The following PRSS16 variants were observed in gnomAD, a reference collection of about 807,000 sequenced individuals.
The protein encoded by PRSS16 is serine protease 16.
Under a neutral mutation model 61.7 loss-of-function variants are expected in PRSS16, and 43 were observed. That is an observed-to-expected ratio of 0.70 (90% CI 0.55 to 0.90). The LOEUF (loss-of-function observed/expected upper bound fraction) is 0.90, where lower values mean the gene tolerates loss of function less well. Among genes scored for constraint, PRSS16 ranks in the 40% least tolerant of loss-of-function variants. The pLI is 0.00. For missense variants in PRSS16, 591 were observed against 659.1 expected (o/e 0.90, Z 1.13); for synonymous variants, 273 against 285.2 (o/e 0.96, Z 0.43).
chr6:27,253,853 A>G (rs1287934302), intron 9 of PRSS16: 1 of 158,634 alleles, frequency 6.3e-6, no homozygotes. Flanking sequence ...TAAGTATTCC[A>G]TAAACCTCTT....
At chr6:27,253,086 GA>G (rs772211733) in intron 9 of PRSS16, 137 bp downstream of exon 9, 305 of 1,170,454 alleles carry the variant, frequency 2.6e-4, no homozygotes, top group Non-Finnish European at 3.7e-4. Flanking sequence ...TGTTGGGCTG[GA>G]GAAGGTGGAA....
intron 4 of PRSS16, among the ~76,000 whole-genome samples, chr6:27,250,119 GTC>G (rs1759844499): frequency 6.6e-6 from 1 of 152,010 alleles, no homozygotes; most frequent in South Asian, 2.1e-4. Context: ...CTCCATCTCT[GTC>G]TCTCTGCATC....
Position 27,254,969 on chromosome 6 carries a change from C to G in PRSS16, c.1331-17C>G. On this transcript the variant is annotated splice_polypyrimidine_tract_variant and intron_variant, in intron 10 of 11. Transcript: ENST00000230582. ...CAGCACCCATCTACCTAGCCCCATC[C>G]TATCCTTTCTTTCCAGGGGACACAG... 6.2e-7 allele frequency: 1 copy of G among 1,612,866 alleles called. No individual in the cohort carries two copies. The highest frequency in any genetic ancestry group is 1.1e-5 in the South Asian group (1 of 91,056).
Position 27,252,292 on chromosome 6 carries a change from C to G in PRSS16, c.1008+252C>G. The G allele has an allele frequency of 2.0e-6, 1 of 510,790 alleles. No individual in the cohort carries two copies. The highest frequency in any genetic ancestry group is 3.3e-6 in the Non-Finnish European group (1 of 298,916). 31.6% of individuals were successfully genotyped at this position (510,790 alleles called of 1,614,324 possible). ...TTATTACCTATTTTGCCTATCCTGT[C>G]CTGTTCTCTTTTGGGGGGCCTGCAG... is the stretch of plus-strand genomic sequence containing the variant. On this transcript the variant is annotated intron_variant, in intron 8 of 11. Coordinates refer to ENST00000230582, the MANE Select transcript of PRSS16 (RefSeq NM_005865.4). This position sits in a 1 kb window ranked among gnomAD's most constrained non-coding sequence, Gnocchi z 4.2.
At chr6:27,254,611 T>G in intron 9 of PRSS16, 82 bp from the exon 10 acceptor site, 1 of 1,348,290 alleles carries the variant, frequency 7.4e-7, no homozygotes, top group Non-Finnish European at 1.0e-6. Flanking sequence ...TGGTCATCAC[T>G]GAGGAAAGCT....
Position 27,249,236 on chromosome 6 carries a change from G to A in PRSS16, c.467+7G>A, listed in dbSNP as rs373932427. ...TCTTGTCCAGCCGCCTTGCGTGAGTGGAGGAAGGGAAAGTGTTTATGGTCA... is the reference window on the plus strand; with the variant it reads ...TCTTGTCCAGCCGCCTTGCGTGAGTAGAGGAAGGGAAAGTGTTTATGGTCA... On this transcript the variant is annotated splice_region_variant and intron_variant, in intron 4 of 11. Coordinates refer to ENST00000230582, the MANE Select transcript of PRSS16 (RefSeq NM_005865.4). 3.1e-6 allele frequency: 5 copies of A among 1,612,216 alleles called. No individual in the cohort carries two copies. In the African/African-American group the frequency reaches 6.7e-5, roughly 22 times the overall value.
chr6:27,251,483 G>C lies in PRSS16; in HGVS notation c.717+219G>C. On this transcript the variant is annotated intron_variant, in intron 7 of 11. Coordinates refer to ENST00000230582, the MANE Select transcript of PRSS16 (RefSeq NM_005865.4). The surrounding 1 kb of genome is among the most constrained non-coding windows in gnomAD (Gnocchi z 5.6). ...CCCCAGAGAGGGCGGGGTTTGGGCA[G>C]GGACAATCCTATCCGGAGGTGAGGC... is the stretch of plus-strand genomic sequence containing the variant. 1 of 745,120 alleles carries C rather than the reference G, an allele frequency of 1.3e-6. No homozygotes were observed. Among genetic ancestry groups the C allele is most frequent in the Non-Finnish European group, 2.1e-6 (1 of 475,066 alleles). The allele number at this position is 745,120 out of a possible 1,614,324, so 46.2% of individuals were successfully genotyped here.
At position 27,248,057 on chromosome 6, in the gene PRSS16, G is replaced by A. The variant is rs371218611; in HGVS notation, c.237+9G>A. On this transcript the variant is annotated intron_variant, in intron 2 of 11. Transcript: ENST00000230582. ...GACGATCCTTCCTACAGGTGAGGCC[G>A]GGAGACGGGGAGTCCACTAACCATC... 26 of 1,610,266 alleles carry A rather than the reference G, an allele frequency of 1.6e-5. No individual in the cohort carries two copies. The highest frequency in any genetic ancestry group is 4.4e-5 in the South Asian group (4 of 90,380).
Position 27,251,344 on chromosome 6 carries a change from G to GTT in PRSS16, c.717+80_717+81insTT. On this transcript the variant is annotated intron_variant, in intron 7 of 11. Coordinates refer to ENST00000230582, the MANE Select transcript of PRSS16 (RefSeq NM_005865.4). This position sits in a 1 kb window ranked among gnomAD's most constrained non-coding sequence, Gnocchi z 5.6. ...GCCAGGGAAGAGGAGGCCAGAGAAG[G>GTT]GCGAAACCTGCAACGTGGCGGGGTC... 1 of 1,482,118 alleles carries GTT rather than the reference G, an allele frequency of 6.7e-7. No individual in the cohort carries two copies. The highest frequency in any genetic ancestry group is 9.0e-7 in the Non-Finnish European group (1 of 1,109,092). 91.8% of individuals were successfully genotyped at this position (1,482,118 alleles called of 1,614,324 possible).
At chr6:27,248,756 C>A in intron 2 of PRSS16, 91 bp from the exon 3 acceptor site, 1 of 805,900 alleles carries the variant, frequency 1.2e-6, no homozygotes, top group African/African-American at 1.7e-5. Context: ...AAGGAAAGAT[C>A]CATTAGGAAG....
Position 27,247,773 on chromosome 6 carries a change from G to T in PRSS16, c.36G>T (p.Leu12=). The T allele has an allele frequency of 6.3e-7, 1 of 1,597,656 alleles. No homozygotes were observed. Among genetic ancestry groups the T allele is most frequent in the South Asian group, 1.1e-5 (1 of 88,992 alleles). Reference sequence around the variant, plus strand: ...GGCTTGCCCAGTGGCTGGGCCCTCTGCTCTTGGTTTCCCTCTGGGGACTCT... The same window carrying T: ...GGCTTGCCCAGTGGCTGGGCCCTCTTCTCTTGGTTTCCCTCTGGGGACTCT... The part of the protein sequence containing the change: ...AVWLAQWLGP[L]LLVSLWGLLA... The change falls in exon 1 of 12, where the codon CTG becomes CTT. Residue 12 remains leucine (L), a synonymous_variant. Transcript: ENST00000230582.
At position 27,251,291 on chromosome 6, in the gene PRSS16, G is replaced by T. The variant is rs1209842782; in HGVS notation, c.717+27G>T. 1 of 1,573,488 alleles carries T rather than the reference G, an allele frequency of 6.4e-7. No individual in the cohort carries two copies. The highest frequency in any genetic ancestry group is 1.8e-5 in the Admixed American group (1 of 54,382). ...TAGGAGGTGGGGCCTAGTCCGAGGG[G>T]GACTGGGAGGGAAAAGAGGCCTCGG... is the stretch of plus-strand genomic sequence containing the variant. On this transcript the variant is annotated intron_variant, in intron 7 of 11. Transcript: ENST00000230582. This position sits in a 1 kb window ranked among gnomAD's most constrained non-coding sequence, Gnocchi z 5.6.
rs773708165 is a variant in PRSS16, at chr6:27,251,893, G to A, written c.861G>A (p.Ala287=). The change falls in exon 8 of 12, where the codon GCG becomes GCA. Residue 287 remains alanine, a synonymous_variant. Coordinates refer to ENST00000230582, the MANE Select transcript of PRSS16 (RefSeq NM_005865.4). This position sits in a 1 kb window ranked among gnomAD's most constrained non-coding sequence, Gnocchi z 5.6. ...RAENQAELLG[A]LQALVGGVVQ... ...AAAACCAGGCGGAGCTGTTGGGGGC[G>A]CTGCAGGCACTGGTGGGAGGTGTAG... 21 of 1,613,312 alleles carry A rather than the reference G, an allele frequency of 1.3e-5. No individual in the cohort carries two copies. The highest frequency in any genetic ancestry group is 1.8e-5 in the Non-Finnish European group (21 of 1,179,812).
intron 4 of PRSS16, among the ~76,000 whole-genome samples, chr6:27,250,258 A>G (rs1188613894): frequency 1.3e-5 from 2 of 152,140 alleles, no homozygotes; most frequent in East Asian, 1.9e-4. Flanking sequence ...GACATATCCA[A>G]ACTTCACTCT....
Position 27,252,075 on chromosome 6 carries a change from C to T in PRSS16, c.1008+35C>T. ...CCCTGGCACAGCTGGGAGGAGTTAGCGGACAAAGATTCCTGCCCCACTTCC... is the reference window on the plus strand; with the variant it reads ...CCCTGGCACAGCTGGGAGGAGTTAGTGGACAAAGATTCCTGCCCCACTTCC... On this transcript the variant is annotated intron_variant, in intron 8 of 11. Coordinates refer to ENST00000230582, the MANE Select transcript of PRSS16 (RefSeq NM_005865.4). The surrounding 1 kb of genome is among the most constrained non-coding windows in gnomAD (Gnocchi z 4.2). 2.1e-6 allele frequency: 3 copies of T among 1,452,920 alleles called. No individual in the cohort carries two copies. The highest frequency in any genetic ancestry group is 2.7e-6 in the Non-Finnish European group (3 of 1,107,832). 90.0% of individuals were successfully genotyped at this position (1,452,920 alleles called of 1,614,324 possible). A position where few individuals can be genotyped will look rare whatever the true frequency, so the allele number is the denominator to read the frequency against.
Position 27,256,478 on chromosome 6 carries a change from T to C in PRSS16, c.*1163T>C, listed in dbSNP as rs551193963. On this transcript the variant is annotated 3_prime_UTR_variant, in exon 12 of 12. Transcript: ENST00000230582. ...TTGTATGTCTTTGTATGCACAGAGA[T>C]GGTAGTTTTAGAGTTTTATCCAGTT... 1.3e-5 allele frequency: 2 copies of C among 152,790 alleles called. No homozygotes were observed. The highest frequency in any genetic ancestry group is 1.9e-4 in the East Asian group (1 of 5,190). 9.5% of individuals were successfully genotyped at this position (152,790 alleles called of 1,614,324 possible). A position where few individuals can be genotyped will look rare whatever the true frequency, so the allele number is the denominator to read the frequency against.
At position 27,247,964 on chromosome 6, in the gene PRSS16, A is replaced by T. The variant is rs1328493256; in HGVS notation, c.153A>T (p.Pro51=). ...SAQGLGLSLG[P]GAAALPKVGW... The stretch of plus-strand genomic sequence containing the variant: ...AGGGCCTGGGCCTGAGCCTGGGGCC[A>T]GGTGCTGCAGCCCTCCCAAAAGTGG... The change falls in exon 2 of 12, where the codon CCA becomes CCT. Residue 51 remains proline (P), a synonymous_variant. Coordinates refer to ENST00000230582, the MANE Select transcript of PRSS16 (RefSeq NM_005865.4). The T allele has an allele frequency of 6.2e-7, 1 of 1,609,446 alleles. No homozygotes were observed. The highest frequency in any genetic ancestry group is 1.1e-5 in the South Asian group (1 of 90,258).
chr6:27,253,496 T>TTTACA lies in PRSS16; in HGVS notation c.1150+547_1150+548insTTACA, dbSNP rs1178795210. The TTTACA allele has an allele frequency of 6.6e-6, 3 of 454,762 alleles. No homozygotes were observed. In the East Asian group the frequency reaches 2.1e-4, roughly 32 times the overall value. The allele number at this position is 454,762 out of a possible 1,614,324, so 28.2% of individuals were successfully genotyped here. On this transcript the variant is annotated intron_variant, in intron 9 of 11. Coordinates refer to ENST00000230582, the MANE Select transcript of PRSS16 (RefSeq NM_005865.4). ...TAGCATCCACAGAGATCCTTGTAAA[T>TTTACA]ATAACCTTGTCCCTCCTGTACTCAA...
chr6:27,254,893 T>A, intron 10 of PRSS16, 21 bp downstream of exon 10: 1 of 1,613,066 alleles, frequency 6.2e-7, no homozygotes, highest in Non-Finnish European at 8.5e-7. Flanking sequence ...TATCAAAACC[T>A]GGCTGCTAAG....
Sources: allele counts gnomAD v4.1 joint callset (sites outside exome capture counted in the v4.1 genomes callset), GRCh38; gene constraint gnomAD v4.1.1; non-coding constraint Gnocchi (gnomAD v3.1); transcripts MANE v1.5; gene names NCBI Gene and HGNC (gene_info 2026-07-23, HGNC 2026-07-21).